The following SASH1 variants were observed in gnomAD, a reference collection of about 807,000 sequenced individuals.
SASH1 encodes SAM and SH3 domain containing 1, also known as SAM and SH3 domain-containing protein 1.
Under a neutral mutation model 125.2 loss-of-function variants are expected in SASH1, and 44 were observed. The ratio of observed to expected loss-of-function variants is 0.35; its 90% CI spans 0.28 to 0.45. SASH1 has a LOEUF of 0.45. SASH1 is among the 20% of genes least tolerant of loss of function. SASH1 has a pLI of 1.00. For missense variants in SASH1, 1,426 were observed against 1,614.5 expected (o/e 0.88, Z 2.00); for synonymous variants, 639 against 649.1 (o/e 0.98, Z 0.24).
At chr6:148,408,531 T>G (rs1366464715) in intron 2 of SASH1, among the ~76,000 whole-genome samples, 1 of 152,236 alleles carries the variant, frequency 6.6e-6, no homozygotes, top group African/African-American at 2.4e-5. Context: ...GAAGTTTATT[T>G]CAATCCAACT....
chr6:148,282,429 T>C (rs1779366142), intron 1 of SASH1, among the ~76,000 whole-genome samples: 1 of 152,076 alleles, frequency 6.6e-6, no homozygotes, highest in Admixed American at 6.5e-5. Context: ...TCGCCCAGGC[T>C]GGAGTGCAGT....
At chr6:148,304,451 G>GA (rs145041781) in intron 1 of SASH1, among the ~76,000 whole-genome samples, 26,485 of 108,354 alleles carry the variant, frequency 0.24, 2,788 homozygotes, top group South Asian at 0.33. Flanking sequence ...AAAAAGAAAA[G>GA]AAAAAAAAAA....
intron 1 of SASH1, among the ~76,000 whole-genome samples, chr6:148,353,725 A>G (rs5020384): frequency 3.9e-5 from 1 of 25,894 alleles, no homozygotes; most frequent in Non-Finnish European, 8.6e-5. Context: ...GTGAGCCACC[A>G]TACCTGACCA....
At chr6:148,356,182 T>A (rs1285200633) in intron 1 of SASH1, among the ~76,000 whole-genome samples, 1 of 152,022 alleles carries the variant, frequency 6.6e-6, no homozygotes, top group Non-Finnish European at 1.5e-5. Flanking sequence ...CCTCCCAGGT[T>A]CCAGTGATCC....
At chr6:148,426,577 A>G (rs1775834565) in intron 2 of SASH1, among the ~76,000 whole-genome samples, 1 of 152,130 alleles carries the variant, frequency 6.6e-6, no homozygotes, top group Non-Finnish European at 1.5e-5. Flanking sequence ...GGAGTGTTGT[A>G]CCTGTGGCTT....
At chr6:148,536,197 C>T (rs942358808) in intron 16 of SASH1, among the ~76,000 whole-genome samples, 1 of 152,296 alleles carries the variant, frequency 6.6e-6, no homozygotes, top group Admixed American at 6.5e-5. Flanking sequence ...AGAGCCTGCA[C>T]GGTAACTGGT....
intron 8 of SASH1, among the ~76,000 whole-genome samples, chr6:148,499,311 ACT>A (rs1253269799): frequency 6.6e-6 from 1 of 151,976 alleles, no homozygotes; most frequent in African/African-American, 2.4e-5. Flanking sequence ...TCTAATGTTC[ACT>A]CTAATATTTA....
rs1414162893 is a variant in SASH1, at chr6:148,550,687, G to A, written c.*2129G>A. On this transcript the variant is annotated 3_prime_UTR_variant, in exon 20 of 20. Coordinates refer to ENST00000367467, the MANE Select transcript of SASH1 (RefSeq NM_015278.5). ...TATTTGCAATGTAATGAAGCTGCAG[G>A]GTTCTTGTATAGCTAAAGCGTTCAA... The A allele has an allele frequency of 6.6e-6, 1 of 152,206 alleles. No individual in the cohort carries two copies. The highest frequency in any genetic ancestry group is 1.5e-5 in the Non-Finnish European group (1 of 68,028). The allele number at this position is 152,206 out of a possible 1,614,324, so 9.4% of individuals were successfully genotyped here.
chr6:148,257,352 T>A, the SASH1 span, among the ~76,000 whole-genome samples: 2 of 152,274 alleles, frequency 1.3e-5, no homozygotes, highest in South Asian at 2.1e-4. Context: ...AGAGCTTTTT[T>A]AAGGAATTTT....
chr6:148,287,098 G>T (rs1779501013), intron 1 of SASH1, among the ~76,000 whole-genome samples: 1 of 152,086 alleles, frequency 6.6e-6, no homozygotes, highest in Non-Finnish European at 1.5e-5. Context: ...CCAGGTCTCT[G>T]ATGGCATCAG....
intron 2 of SASH1, among the ~76,000 whole-genome samples, chr6:148,432,254 C>T (rs960776897): frequency 1.3e-5 from 2 of 152,140 alleles, no homozygotes; most frequent in Non-Finnish European, 2.9e-5. Flanking sequence ...GGATTATAGG[C>T]GTGAGCCCCC....
chr6:148,386,797 C>G (rs78573942), intron 1 of SASH1, among the ~76,000 whole-genome samples: 4,497 of 152,230 alleles, frequency 0.03, 221 homozygotes, highest in East Asian at 0.19. Context: ...CCCCTTTGCC[C>G]TCAAACTCAC....
At chr6:148,545,427 G>A (rs1457959484) in intron 18 of SASH1, among the ~76,000 whole-genome samples, 1 of 152,202 alleles carries the variant, frequency 6.6e-6, no homozygotes, top group Non-Finnish European at 1.5e-5. Context: ...CTGAGTGAAT[G>A]TCTTTAAATG....
At chr6:148,426,058 A>C (rs898056049) in intron 2 of SASH1, among the ~76,000 whole-genome samples, 3 of 151,848 alleles carry the variant, frequency 2.0e-5, no homozygotes, top group African/African-American at 7.3e-5. Flanking sequence ...AAAATACAAA[A>C]GTTAGCTGGG....
the SASH1 span, among the ~76,000 whole-genome samples, chr6:148,225,951 G>A: frequency 6.6e-6 from 1 of 152,300 alleles, no homozygotes; most frequent in African/African-American, 2.4e-5. Flanking sequence ...CAATAGTTTA[G>A]CATTTTTGCT....
At chr6:148,401,837 T>C (rs1317765872) in intron 2 of SASH1, among the ~76,000 whole-genome samples, 1 of 152,172 alleles carries the variant, frequency 6.6e-6, no homozygotes, top group Non-Finnish European at 1.5e-5. Context: ...ACATGATTTC[T>C]TAACAAAGAT....
At chr6:148,313,526 G>A (rs188366502) in intron 1 of SASH1, among the ~76,000 whole-genome samples, 30 of 152,318 alleles carry the variant, frequency 2.0e-4, no homozygotes, top group Non-Finnish European at 5.9e-5. Flanking sequence ...GTAGGAGAGG[G>A]TGGTGGGAGA....
At chr6:148,287,792 G>T (rs894128845) in intron 1 of SASH1, among the ~76,000 whole-genome samples, 4 of 152,108 alleles carry the variant, frequency 2.6e-5, no homozygotes, top group African/African-American at 9.7e-5. Flanking sequence ...CATTCCCTTT[G>T]ATGAAGCTGT....
intron 1 of SASH1, among the ~76,000 whole-genome samples, chr6:148,367,917 T>C (rs748144422): frequency 2.8e-4 from 43 of 152,170 alleles, no homozygotes; most frequent in Non-Finnish European, 6.2e-4. Context: ...CGTTCAGGGC[T>C]GCGGGGTCTA....
Sources: gnomAD v4.1 joint callset for allele counts (sites outside exome capture counted in the v4.1 genomes callset) on GRCh38, gnomAD v4.1.1 for gene constraint, MANE v1.5 for transcripts, NCBI Gene and HGNC (gene_info 2026-07-23, HGNC 2026-07-21) for gene names.